Variants in ADAMTS13 observed in about 807,000 individuals in gnomAD.
The protein encoded by ADAMTS13 is A disintegrin and metalloproteinase with thrombospondin motifs 13.
In ADAMTS13, 110 loss-of-function variants were observed where a neutral mutation model predicts 155.1. The ratio of observed to expected loss-of-function variants is 0.71; its 90% CI spans 0.61 to 0.83. The LOEUF (loss-of-function observed/expected upper bound fraction) is 0.83, where lower values mean the gene tolerates loss of function less well. Ranked by LOEUF, ADAMTS13 falls within the 40% of genes least tolerant of loss-of-function variation. The pLI is 0.00. For missense variants in ADAMTS13, 1,707 were observed against 1,891.7 expected (o/e 0.90, Z 1.81); for synonymous variants, 758 against 756.4 (o/e 1.00, Z -0.03).
In ADAMTS13 at chr9:133,456,328, T is replaced by C; in HGVS notation, c.3547+113T>C. Reference sequence around the variant, plus strand: ...GCCCATGTGCATTCCCACCTGTAGTTTGCATCCCATCTCATGACTGGGGAG... The same window carrying C: ...GCCCATGTGCATTCCCACCTGTAGTCTGCATCCCATCTCATGACTGGGGAG... On this transcript the variant is annotated intron_variant, in intron 26 of 28. Coordinates refer to ENST00000355699, the MANE Select transcript of ADAMTS13 (RefSeq NM_139027.6). This position sits in a 1 kb window ranked among gnomAD's most constrained non-coding sequence, Gnocchi z 4.4. 1 of 1,527,902 alleles carries C rather than the reference T, an allele frequency of 6.5e-7. No individual in the cohort carries two copies. The highest frequency in any genetic ancestry group is 8.9e-7 in the Non-Finnish European group (1 of 1,120,520). The allele number at this position is 1,527,902 out of a possible 1,614,324, so 94.6% of individuals were successfully genotyped here. A position where few individuals can be genotyped will look rare whatever the true frequency, so the allele number is the denominator to read the frequency against.
At chr9:133,442,775 G>C (rs913718699) in intron 18 of ADAMTS13, 32 bp downstream of exon 18, 16 of 1,603,170 alleles carry the variant, frequency 1.0e-5, no homozygotes, top group South Asian at 4.4e-5. Flanking sequence ...CAGCTCCAAG[G>C]GGGAGAGAGG....
chr9:133,429,743 TG>T, intron 7 of ADAMTS13, 195 bp from the exon 8 acceptor site: 1 of 780,832 alleles, frequency 1.3e-6, no homozygotes, highest in Non-Finnish European at 2.2e-6. Context: ...CACCCACCTC[TG>T]CGCCGGCAGG....
rs1842922258 is a variant in ADAMTS13 at position 133,458,890 on chromosome 9, C to A, written c.3910-84C>A. 4 of 1,221,298 alleles carry A rather than the reference C, an allele frequency of 3.3e-6. No individual in the cohort carries two copies. The East Asian group carries it at 7.5e-5, about 23-fold the overall frequency. 75.7% of individuals were successfully genotyped at this position (1,221,298 alleles called of 1,614,324 possible). A position where few individuals can be genotyped will look rare whatever the true frequency, so the allele number is the denominator to read the frequency against. On this transcript the variant is annotated intron_variant, in intron 28 of 28. Coordinates refer to ENST00000355699, the MANE Select transcript of ADAMTS13 (RefSeq NM_139027.6). ...GTAAGCATTAAATGTGATCCGGAAT[C>A]TGTGAGCCCTTGCACACGAAGGCTT...
intron 11 of ADAMTS13, among the ~76,000 whole-genome samples, chr9:133,436,277 C>T (rs1228155918): frequency 6.6e-6 from 1 of 151,608 alleles, no homozygotes; most frequent in African/African-American, 2.4e-5. Context: ...TCCCTTTCCT[C>T]CTTCTCCAAA....
In ADAMTS13 at chr9:133,449,975, C is replaced by T. The variant is rs375335095; in HGVS notation, c.3044+10C>T. 83 of 1,588,768 alleles carry T rather than the reference C, an allele frequency of 5.2e-5. No homozygotes were observed. The highest frequency in any genetic ancestry group is 1.4e-5 in the Non-Finnish European group (16 of 1,170,476). On this transcript the variant is annotated intron_variant, in intron 23 of 28. Transcript: ENST00000355699. ...AGCCCTGCCCACCTAGGTGAGTCAG[C>T]CGGTGATGGGAGGGGCAGCTCCTGG...
upstream of ADAMTS13, among the ~76,000 whole-genome samples, chr9:133,419,615 A>G (rs1283259118): frequency 6.6e-6 from 1 of 152,204 alleles, no homozygotes; most frequent in Non-Finnish European, 1.5e-5. Flanking sequence ...GAGTGGCATC[A>G]GAGAATCCAG....
intron 11 of ADAMTS13, among the ~76,000 whole-genome samples, chr9:133,434,340 C>T (rs1451059269): frequency 6.6e-6 from 1 of 152,178 alleles, no homozygotes; most frequent in Non-Finnish European, 1.5e-5. Flanking sequence ...GAGTCTCTCC[C>T]TGTCACCCAG....
Position 133,456,506 on chromosome 9 carries a change from G to A in ADAMTS13, c.3548-37G>A, listed in dbSNP as rs1842751213. 1 of 1,608,126 alleles carries A rather than the reference G, an allele frequency of 6.2e-7. No individual in the cohort carries two copies. Among genetic ancestry groups the A allele is most frequent in the Admixed American group, 1.7e-5 (1 of 59,404 alleles). ...AGCCACTCCTCTGCTGACCAGGCGT[G>A]GGAGTGCTGGACCCTCACTGCCCTG... On this transcript the variant is annotated intron_variant, in intron 26 of 28. Coordinates refer to ENST00000355699, the MANE Select transcript of ADAMTS13 (RefSeq NM_139027.6). The surrounding 1 kb of genome is among the most constrained non-coding windows in gnomAD (Gnocchi z 4.4).
upstream of ADAMTS13, among the ~76,000 whole-genome samples, chr9:133,419,624 A>AG (rs1554782578): frequency 6.6e-6 from 1 of 152,194 alleles, no homozygotes; most frequent in Non-Finnish European, 1.5e-5. Flanking sequence ...CAGAGAATCC[A>AG]GGGGGAGAAT....
rs281875300 is a variant in ADAMTS13, at chr9:133,443,413, T to C, written c.2272T>C (p.Cys758Arg). The C allele has an allele frequency of 1.3e-6, 2 of 1,599,414 alleles. No homozygotes were observed. The highest frequency in any genetic ancestry group is 8.5e-7 in the Non-Finnish European group (1 of 1,177,790). ...AGACTTCGGCCCATGCAGCGCCTCC[T>C]GTGGGGGTGGCCTGCGGGAGCGGCC... ...VGDFGPCSASCGGGLRERPVR... is the reference protein window; with the variant it reads ...VGDFGPCSASRGGGLRERPVR... Residue 758 changes from cysteine (C) to arginine (R), a missense_variant, in exon 19 of 29, where the codon TGT becomes CGT. By Grantham distance (180) the Cys-to-Arg change is radical. Transcript: ENST00000355699.
chr9:133,421,654 G>A (rs1839963454), upstream of ADAMTS13, among the ~76,000 whole-genome samples: 1 of 152,186 alleles, frequency 6.6e-6, no homozygotes, highest in South Asian at 2.1e-4. Context: ...ATGAATGAAT[G>A]GCTCTAGCAG....
upstream of ADAMTS13, among the ~76,000 whole-genome samples, chr9:133,420,190 C>G (rs1183200746): frequency 1.3e-5 from 2 of 152,208 alleles, no homozygotes; most frequent in Non-Finnish European, 2.9e-5. Flanking sequence ...AGGCGTGAGC[C>G]ACCGCACCTA....
chr9:133,439,524 T>G (rs941437162), intron 15 of ADAMTS13, 78 bp downstream of exon 15: 1 of 1,315,292 alleles, frequency 7.6e-7, no homozygotes, highest in African/African-American at 1.5e-5. Flanking sequence ...TGCCCTCACT[T>G]CTGACATCAC....
At chr9:133,436,468 T>G (rs587626391) in intron 11 of ADAMTS13, among the ~76,000 whole-genome samples, 1 of 152,078 alleles carries the variant, frequency 6.6e-6, no homozygotes, top group Admixed American at 6.5e-5. Context: ...GGTGGTGAGG[T>G]CTTTGCTCCA....
chr9:133,456,187 C>G lies in ADAMTS13; in HGVS notation c.3519C>G (p.Val1173=). Residue 1173 remains valine, a synonymous_variant, in exon 26 of 29, where the codon GTC becomes GTG. Transcript: ENST00000355699. This position sits in a 1 kb window ranked among gnomAD's most constrained non-coding sequence, Gnocchi z 4.4. ...TCGGGGAGGTGGTGACCCTCCGCGT[C>G]CTTGAGAGTTCTCTCAACTGCAGTG... ...RPLGEVVTLR[V]LESSLNCSAG... is the part of the protein sequence containing the mutation. 1 of 1,613,576 alleles carries G rather than the reference C, an allele frequency of 6.2e-7. No individual in the cohort carries two copies. Among genetic ancestry groups the G allele is most frequent in the Non-Finnish European group, 8.5e-7 (1 of 1,180,028 alleles).
chr9:133,428,567 G>GGGC, intron 6 of ADAMTS13, 67 bp from the exon 7 acceptor site: 1 of 96,948 alleles, frequency 1.0e-5, no homozygotes. Context: ...GCCGACCCCC[G>GGGC]TCCCGCCCCC....
rs782616667 is a variant in ADAMTS13, at chr9:133,425,479, GC to G, written c.331-49del. On this transcript the variant is annotated intron_variant, in intron 3 of 28. Transcript: ENST00000355699. The surrounding 1 kb of genome is among the most constrained non-coding windows in gnomAD (Gnocchi z 4.6). ...CCCTGGGAGTCAGCAGCTGCCTGGG[GC>G]TGGCAATGCCCACCCGACGGGTTAC... is the stretch of plus-strand genomic sequence containing the variant. 6.4e-7 allele frequency: 1 copy of G among 1,553,810 alleles called. No homozygotes were observed. Among genetic ancestry groups the G allele is most frequent in the Non-Finnish European group, 8.8e-7 (1 of 1,140,440 alleles).
In ADAMTS13 at chr9:133,426,793, TTTTTC is replaced by T. The variant is rs587689639; in HGVS notation, c.686+463_686+467del. Among the ~76,000 whole-genome samples, 254 of 147,728 alleles carry T rather than the reference TTTTTC, an allele frequency of 1.7e-3. No individual in the cohort carries two copies. The East Asian group carries it at 0.02, about 12-fold the overall frequency. On this transcript the variant is annotated intron_variant, in intron 6 of 28. Coordinates refer to ENST00000355699, the MANE Select transcript of ADAMTS13 (RefSeq NM_139027.6). ...GCATTGCTTTGTTACCTGCTATTTC[TTTTTC>T]TTTTCTTTTCTTTTTTTTTTTTGAG... is the stretch of plus-strand genomic sequence containing the variant.
At chr9:133,436,680 G>C in intron 11 of ADAMTS13, 149 bp from the exon 12 acceptor site, 1 of 807,818 alleles carries the variant, frequency 1.2e-6, no homozygotes, top group Non-Finnish European at 2.0e-6. Context: ...TGTCACCCCA[G>C]TTTACAGAGC....
Sources: gnomAD v4.1 joint callset for allele counts (sites outside exome capture counted in the v4.1 genomes callset) on GRCh38, gnomAD v4.1.1 for gene constraint, Gnocchi (gnomAD v3.1) non-coding constraint, MANE v1.5 for transcripts, NCBI Gene and HGNC (gene_info 2026-07-23, HGNC 2026-07-21) for gene names.